IGF1R: variants seen among roughly 807,000 people sequenced by gnomAD.
IGF1R encodes insulin-like growth factor 1 receptor.
A neutral mutation model predicts 144.6 loss-of-function variants in IGF1R; 44 were observed. That is an observed-to-expected ratio of 0.30 (90% CI 0.24 to 0.39). The LOEUF is 0.39. IGF1R is among the 10% of genes least tolerant of loss of function. IGF1R has a pLI of 1.00. For missense variants in IGF1R, 1,355 were observed against 1,833.7 expected (o/e 0.74, Z 4.77); for synonymous variants, 795 against 722.8 (o/e 1.10, Z -1.60).
intron 2 of IGF1R, among the ~76,000 whole-genome samples, chr15:98,868,186 GTCTCCA>G (rs900839912): frequency 6.6e-6 from 1 of 151,666 alleles, no homozygotes; most frequent in Admixed American, 6.6e-5. Context: ...GTGAAACTCT[GTCTCCA>G]AAAAAAAATC....
At chr15:98,862,936 T>G (rs1262667887) in intron 2 of IGF1R, among the ~76,000 whole-genome samples, 2 of 152,184 alleles carry the variant, frequency 1.3e-5, no homozygotes. Context: ...ATCAAAACAG[T>G]GTTCACTCCA....
chr15:98,919,459 C>G (rs2015395913), intron 10 of IGF1R, among the ~76,000 whole-genome samples: 1 of 152,204 alleles, frequency 6.6e-6, no homozygotes, highest in Non-Finnish European at 1.5e-5. Context: ...AGGCCCCTTG[C>G]TTTCAGTTGT....
rs2151644063 is a variant in IGF1R, at chr15:98,891,259, C to T, written c.641-66C>T. ...AGTGAATGACCCAGAAGGATGCTGG[C>T]CAGGCCCAGAGAAGGCGGTGCCTCC... is the stretch of plus-strand genomic sequence containing the variant. On this transcript the variant is annotated intron_variant, in intron 2 of 20. Transcript: ENST00000650285. This position sits in a 1 kb window ranked among gnomAD's most constrained non-coding sequence, Gnocchi z 4.7. 7.4e-6 allele frequency: 11 copies of T among 1,482,158 alleles called. No individual in the cohort carries two copies. Among genetic ancestry groups the T allele is most frequent in the African/African-American group, 5.5e-5 (4 of 72,242 alleles). The allele number at this position is 1,482,158 out of a possible 1,614,324, so 91.8% of individuals were successfully genotyped here.
At chr15:98,906,507 G>A (rs557831084) in intron 5 of IGF1R, among the ~76,000 whole-genome samples, 2 of 152,160 alleles carry the variant, frequency 1.3e-5, no homozygotes, top group Non-Finnish European at 2.9e-5. Flanking sequence ...CCCTCCTTCC[G>A]TTGTATGACT....
At chr15:98,682,793 G>A (rs1169881516) in intron 1 of IGF1R, among the ~76,000 whole-genome samples, 4 of 151,990 alleles carry the variant, frequency 2.6e-5, no homozygotes, top group Non-Finnish European at 4.4e-5. Flanking sequence ...TGATCCACCC[G>A]CCTCTGCCTC....
chr15:98,779,497 G>T (rs1176430433), intron 2 of IGF1R, among the ~76,000 whole-genome samples: 1 of 152,210 alleles, frequency 6.6e-6, no homozygotes, highest in African/African-American at 2.4e-5. Flanking sequence ...CCGTACAGAT[G>T]AGGAAACAGC....
At chr15:98,941,118 G>A (rs1596474495) in intron 18 of IGF1R, among the ~76,000 whole-genome samples, 1 of 152,224 alleles carries the variant, frequency 6.6e-6, no homozygotes, top group East Asian at 1.9e-4. Flanking sequence ...GCCGCTAATG[G>A]GTGAGAGACT....
intron 19 of IGF1R, among the ~76,000 whole-genome samples, chr15:98,946,372 C>T (rs2016554698): frequency 6.6e-6 from 1 of 151,986 alleles, no homozygotes; most frequent in African/African-American, 2.4e-5. Flanking sequence ...TTCTTTAAGC[C>T]CTGTTAAGGT....
At chr15:98,786,164 G>A (rs1349552573) in intron 2 of IGF1R, among the ~76,000 whole-genome samples, 1 of 152,160 alleles carries the variant, frequency 6.6e-6, no homozygotes, top group African/African-American at 2.4e-5. Flanking sequence ...TGAGTATTCA[G>A]TTTCCCCACC....
intron 1 of IGF1R, among the ~76,000 whole-genome samples, chr15:98,651,869 C>G (rs754867553): frequency 1.3e-5 from 2 of 151,426 alleles, no homozygotes; most frequent in African/African-American, 4.9e-5. Context: ...ACCTGCCCCT[C>G]CCTCCATCTC....
chr15:98,892,055 C>T (rs2013951079), intron 3 of IGF1R, among the ~76,000 whole-genome samples: 1 of 152,258 alleles, frequency 6.6e-6, no homozygotes, highest in Non-Finnish European at 1.5e-5. Flanking sequence ...AAGCCCCCAC[C>T]ACCATCCTTG....
rs368181094 is a variant in IGF1R, at chr15:98,953,846, C to T, written c.3723-3215C>T. On this transcript the variant is annotated intron_variant, in intron 20 of 20. Transcript: ENST00000650285. The stretch of plus-strand genomic sequence containing the variant: ...TCGCTGGAATCCTGGTTTGGTTCTG[C>T]GGGAATCGAGTGCTTGAGTGGGACC... Among the ~76,000 whole-genome samples the T allele has an allele frequency of 2.2e-4, 33 of 152,248 alleles. No homozygotes were observed. The East Asian group carries it at 5.4e-3, about 25-fold the overall frequency.
At chr15:98,788,060 C>CTG (rs1275022774) in intron 2 of IGF1R, among the ~76,000 whole-genome samples, 221 of 130,692 alleles carry the variant, frequency 1.7e-3, no homozygotes, top group Non-Finnish European at 2.5e-3. Context: ...CTCTCTCTCT[C>CTG]TCTGTGTGTG....
chr15:98,914,657 CAT>C (rs138869905), intron 8 of IGF1R, among the ~76,000 whole-genome samples: 1,823 of 152,322 alleles, frequency 0.012, 47 homozygotes, highest in African/African-American at 0.042. Context: ...GTTTGGGAAA[CAT>C]AGGAATATCT....
intron 10 of IGF1R, 164 bp downstream of exon 10, chr15:98,917,040 C>T (rs1262900846): frequency 2.9e-5 from 21 of 711,968 alleles, no homozygotes; most frequent in Non-Finnish European, 4.5e-5. Flanking sequence ...AAGTGAGTCC[C>T]TGCGGAAGCC....
At chr15:98,894,914 A>T (rs2014104894) in intron 3 of IGF1R, among the ~76,000 whole-genome samples, 1 of 151,660 alleles carries the variant, frequency 6.6e-6, no homozygotes, top group African/African-American at 2.4e-5. Flanking sequence ...CCAGCTACTC[A>T]GGAGGCTGAG....
intron 1 of IGF1R, among the ~76,000 whole-genome samples, chr15:98,673,795 GC>G (rs1332868718): frequency 1.3e-5 from 2 of 152,180 alleles, no homozygotes; most frequent in Non-Finnish European, 2.9e-5. Context: ...TAGTTATTGT[GC>G]AAATACCTGA....
chr15:98,721,296 C>T (rs1375332268), intron 2 of IGF1R, among the ~76,000 whole-genome samples: 3 of 152,174 alleles, frequency 2.0e-5, no homozygotes, highest in Non-Finnish European at 2.9e-5. Flanking sequence ...GTTCAGAGGA[C>T]CTTGTTTACT....
chr15:98,705,561 A>G (rs2053841178), intron 1 of IGF1R, among the ~76,000 whole-genome samples: 2 of 152,170 alleles, frequency 1.3e-5, no homozygotes, highest in South Asian at 4.1e-4. Flanking sequence ...TCTCTTTGGT[A>G]AAACAGAAGA....
Sources: allele counts gnomAD v4.1 joint callset (sites outside exome capture counted in the v4.1 genomes callset), GRCh38; gene constraint gnomAD v4.1.1; non-coding constraint Gnocchi (gnomAD v3.1); transcripts MANE v1.5; gene names NCBI Gene and HGNC (gene_info 2026-07-23, HGNC 2026-07-21).